The following RBMS3 variants were observed in gnomAD, a reference collection of about 807,000 sequenced individuals.
RBMS3 encodes RNA binding motif single stranded interacting protein 3.
In RBMS3, 27 loss-of-function variants were observed where a neutral mutation model predicts 66.8. That is an observed-to-expected ratio of 0.40 (90% CI 0.30 to 0.56). The LOEUF (loss-of-function observed/expected upper bound fraction) is 0.56, where lower values mean the gene tolerates loss of function less well. Ranked by LOEUF, RBMS3 falls within the 20% of genes least tolerant of loss-of-function variation. The pLI is 0.40. For synonymous variants in RBMS3, 188 were observed against 183.0 expected (o/e 1.03, Z -0.22); for missense variants, 513 against 549.5 (o/e 0.93, Z 0.66).
chr3:29,301,530 C>T (rs2033669807), intron 1 of RBMS3, among the ~76,000 whole-genome samples: 1 of 152,008 alleles, frequency 6.6e-6, no homozygotes, highest in African/African-American at 2.4e-5. Flanking sequence ...ACATCCACTT[C>T]CTGTTTTGCT....
chr3:29,637,258 T>C (rs2049510397), intron 4 of RBMS3, among the ~76,000 whole-genome samples: 1 of 151,848 alleles, frequency 6.6e-6, no homozygotes, highest in East Asian at 1.9e-4. Context: ...AAGCAGAAGT[T>C]CTATGTTTTC....
chr3:29,282,657 C>CGGAGT (rs1171177028), intron 1 of RBMS3, among the ~76,000 whole-genome samples: 3 of 152,024 alleles, frequency 2.0e-5, no homozygotes, highest in Non-Finnish European at 4.4e-5. Context: ...AACATGTTAG[C>CGGAGT]GGAGTGACCA....
intron 6 of RBMS3, among the ~76,000 whole-genome samples, chr3:29,806,701 A>T (rs974088265): frequency 6.6e-6 from 1 of 152,066 alleles, no homozygotes; most frequent in African/African-American, 2.4e-5. Flanking sequence ...TGGCTCATTT[A>T]TAATTATTAC....
intron 4 of RBMS3, among the ~76,000 whole-genome samples, chr3:29,715,343 T>G (rs2053346781): frequency 6.6e-6 from 1 of 152,148 alleles, no homozygotes; most frequent in South Asian, 2.1e-4. Context: ...AAAGTGAGAT[T>G]AGAGAGACTT....
At chr3:29,704,200 A>G (rs1319526823) in intron 4 of RBMS3, among the ~76,000 whole-genome samples, 2 of 152,192 alleles carry the variant, frequency 1.3e-5, no homozygotes, top group Admixed American at 6.5e-5. Context: ...GAATCATCCC[A>G]AAACCATCTC....
At chr3:29,782,374 C>G (rs2056666985) in intron 6 of RBMS3, among the ~76,000 whole-genome samples, 1 of 152,184 alleles carries the variant, frequency 6.6e-6, no homozygotes, top group Non-Finnish European at 1.5e-5. Context: ...CAGACACTCC[C>G]CAGTACTAGC....
In RBMS3 at chr3:29,684,815, CAG is replaced by C. The variant is rs1224282220; in HGVS notation, c.400-54903_400-54902del. Among the ~76,000 whole-genome samples the C allele has an allele frequency of 4.3e-4, 64 of 149,676 alleles. 1 individual carries two copies. Among genetic ancestry groups the C allele is most frequent in the Middle Eastern group, 3.4e-3 (1 of 292 alleles). ...ACACACACACACACACACACACACA[CAG>C]ACACATACACTGAGCTAAAGAGGAT... On this transcript the variant is annotated intron_variant, in intron 4 of 14. Coordinates refer to ENST00000383767, the MANE Select transcript of RBMS3 (RefSeq NM_001003793.3).
chr3:29,660,280 T>G (rs2050490507), intron 4 of RBMS3, among the ~76,000 whole-genome samples: 1 of 152,150 alleles, frequency 6.6e-6, no homozygotes, highest in Non-Finnish European at 1.5e-5. Context: ...TATATTAAAA[T>G]TTTAGTAATA....
At chr3:29,764,102 T>C (rs952448412) in intron 6 of RBMS3, among the ~76,000 whole-genome samples, 2 of 134,766 alleles carry the variant, frequency 1.5e-5, no homozygotes, top group Admixed American at 7.7e-5. Context: ...TGGAGGGTTT[T>C]GTAATGACTT....
At chr3:29,361,189 T>C (rs1353157818) in intron 1 of RBMS3, among the ~76,000 whole-genome samples, 3 of 152,068 alleles carry the variant, frequency 2.0e-5, no homozygotes, top group African/African-American at 4.8e-5. Context: ...CTGGTGCGCT[T>C]TGTTCCTTTC....
At chr3:29,455,708 G>T (rs932483833) in intron 2 of RBMS3, among the ~76,000 whole-genome samples, 3 of 151,780 alleles carry the variant, frequency 2.0e-5, no homozygotes, top group South Asian at 4.2e-4. Context: ...TCTCAGGAAG[G>T]TGCATCCTAG....
At position 29,545,698 on chromosome 3, in the gene RBMS3, C is replaced by CT. The variant is rs569450606; in HGVS notation, c.308-41408dup. Among the ~76,000 whole-genome samples the CT allele has an allele frequency of 1.2e-4, 18 of 152,048 alleles. No individual in the cohort carries two copies. The East Asian group carries it at 3.1e-3, about 26-fold the overall frequency. ...TAAAAGATGCTTCTTGCCTTCTTGT[C>CT]TTTTTTTTGTTTTGTTTTGTTTTTT... On this transcript the variant is annotated intron_variant, in intron 3 of 14. Transcript: ENST00000383767.
At chr3:29,491,348 A>G (rs1278827142) in intron 3 of RBMS3, among the ~76,000 whole-genome samples, 1 of 152,092 alleles carries the variant, frequency 6.6e-6, no homozygotes, top group Admixed American at 6.6e-5. Flanking sequence ...TAGAAAACTT[A>G]CCTCCAAAGT....
intron 1 of RBMS3, among the ~76,000 whole-genome samples, chr3:29,340,029 T>C (rs1040212146): frequency 2.6e-5 from 4 of 152,086 alleles, no homozygotes; most frequent in African/African-American, 9.7e-5. Flanking sequence ...TTGCCTTGCA[T>C]TTTTGCTGAG....
At chr3:29,287,014 G>A (rs899568882) in intron 1 of RBMS3, among the ~76,000 whole-genome samples, 39 of 152,052 alleles carry the variant, frequency 2.6e-4, no homozygotes, top group Non-Finnish European at 3.1e-4. Flanking sequence ...GAGAATAGAC[G>A]TTTTTATGCT....
intron 3 of RBMS3, among the ~76,000 whole-genome samples, chr3:29,543,683 C>A (rs2045847318): frequency 6.6e-6 from 1 of 152,100 alleles, no homozygotes; most frequent in Non-Finnish European, 1.5e-5. Flanking sequence ...GCACTCCAGC[C>A]TGGGTGACAG....
At chr3:29,425,216 C>CCA (rs1411284309) in intron 1 of RBMS3, among the ~76,000 whole-genome samples, 5 of 120,020 alleles carry the variant, frequency 4.2e-5, no homozygotes, top group African/African-American at 9.1e-5. Context: ...CCAAAAAAAA[C>CCA]AAAAAAAAAA....
At chr3:29,960,037 G>A (rs1053616830) in intron 12 of RBMS3, among the ~76,000 whole-genome samples, 1 of 152,056 alleles carries the variant, frequency 6.6e-6, no homozygotes. Flanking sequence ...GTCCTCCAAA[G>A]TCTTAGCTCA....
At chr3:29,315,774 T>A (rs1470342238) in intron 1 of RBMS3, among the ~76,000 whole-genome samples, 1 of 151,724 alleles carries the variant, frequency 6.6e-6, no homozygotes, top group Non-Finnish European at 1.5e-5. Flanking sequence ...TGTCCATGAA[T>A]CAAATTTTAG....
Sources: allele counts gnomAD v4.1 joint callset (sites outside exome capture counted in the v4.1 genomes callset), GRCh38; gene constraint gnomAD v4.1.1; transcripts MANE v1.5; gene names NCBI Gene and HGNC (gene_info 2026-07-23, HGNC 2026-07-21).